Variants in HOMER1 observed in about 807,000 individuals in gnomAD.
HOMER1 encodes homer scaffold protein 1.
A neutral mutation model predicts 48.9 loss-of-function variants in HOMER1; 3 were observed. The observed-to-expected ratio is 0.06, with a 90% CI of 0.03 to 0.16. The LOEUF (loss-of-function observed/expected upper bound fraction) is 0.16. HOMER1 is among the 10% of genes least tolerant of loss of function. The pLI is 1.00. For synonymous variants in HOMER1, 134 were observed against 146.4 expected (o/e 0.92, Z 0.61); for missense variants, 247 against 411.4 (o/e 0.60, Z 3.46).
intron 8 of HOMER1, among the ~76,000 whole-genome samples, chr5:79,391,618 T>C (rs2004560): frequency 0.48 from 72,544 of 151,148 alleles, 20,792 homozygotes; most frequent in African/African-American, 0.8. Context: ...TGGTGGCATG[T>C]GCCTGTAGTC....
intron 8 of HOMER1, among the ~76,000 whole-genome samples, chr5:79,377,251 C>T (rs1450227175): frequency 6.6e-6 from 1 of 152,176 alleles, no homozygotes; most frequent in Non-Finnish European, 1.5e-5. Context: ...CAGGCGTGAG[C>T]CACCCCGCCT....
chr5:79,401,432 C>T (rs1454115475), intron 6 of HOMER1, among the ~76,000 whole-genome samples: 2 of 152,096 alleles, frequency 1.3e-5, no homozygotes, highest in African/African-American at 2.4e-5. Context: ...AACTGGAATT[C>T]GCACTCTGGA....
At chr5:79,413,501 G>A (rs1450296013) in intron 5 of HOMER1, among the ~76,000 whole-genome samples, 4 of 152,018 alleles carry the variant, frequency 2.6e-5, no homozygotes, top group Admixed American at 2.6e-4. Context: ...ATATTGCATA[G>A]TAGTGAAGTC....
intron 8 of HOMER1, among the ~76,000 whole-genome samples, chr5:79,391,822 GAGAA>G (rs1749261713): frequency 6.6e-6 from 1 of 151,736 alleles, no homozygotes; most frequent in African/African-American, 2.4e-5. Flanking sequence ...AAAAGACAAT[GAGAA>G]AGAACAAGTA....
At chr5:79,474,175 C>T (rs1339230614) in intron 1 of HOMER1, among the ~76,000 whole-genome samples, 3 of 147,840 alleles carry the variant, frequency 2.0e-5, no homozygotes, top group Non-Finnish European at 4.5e-5. Flanking sequence ...GTAGCTGGGA[C>T]TAAAGGTGTG....
At chr5:79,491,053 T>G (rs1346259279) in intron 1 of HOMER1, among the ~76,000 whole-genome samples, 2 of 125,408 alleles carry the variant, frequency 1.6e-5, no homozygotes, top group Non-Finnish European at 3.2e-5. Flanking sequence ...AAAATTATTT[T>G]TGGCCTTCAG....
rs191363198 is a variant in HOMER1 at position 79,389,455 on chromosome 5, G to A, written c.876+7368C>T. ...TCCAAAATCCAAGTGTTGAAATGTA[G>A]TGGCCAATATGATGCTATTAAGAAG... On this transcript the variant is annotated intron_variant, in intron 8 of 8. Transcript: ENST00000334082. Among the ~76,000 whole-genome samples, 24 of 152,296 alleles carry A rather than the reference G, an allele frequency of 1.6e-4. No homozygotes were observed. In the East Asian group the frequency reaches 4.4e-3, roughly 28 times the overall value.
chr5:79,439,532 G>A (rs1452514980), intron 4 of HOMER1, among the ~76,000 whole-genome samples: 1 of 152,110 alleles, frequency 6.6e-6, no homozygotes, highest in Non-Finnish European at 1.5e-5. Flanking sequence ...AATGCAAGAA[G>A]ATGTGATTTT....
rs913771465 is a variant in HOMER1, at chr5:79,436,082, C to A, written c.527+2928G>T. Among the ~76,000 whole-genome samples, 3 of 150,626 alleles carry A rather than the reference C, an allele frequency of 2.0e-5. No homozygotes were observed. In the East Asian group the frequency reaches 5.9e-4, roughly 29 times the overall value. On this transcript the variant is annotated intron_variant, in intron 5 of 8. Transcript: ENST00000334082. ...CGGAGCTTGCAGTGAGCCGAGATTG[C>A]GCCACTGCAGTCCGCAGTCCGGCCT...
At chr5:79,382,906 T>C (rs546961733) in intron 8 of HOMER1, among the ~76,000 whole-genome samples, 48 of 152,168 alleles carry the variant, frequency 3.2e-4, no homozygotes, top group African/African-American at 9.9e-4. Flanking sequence ...AGAATGAAAA[T>C]GGATTACATT....
rs10666507 is a variant in HOMER1 at position 79,465,584 on chromosome 5, C to CTTTTTTTT, written c.6-8574_6-8567dup. ...AGTAACAGTACTGTTTACATTTCTT[C>CTTTTTTTT]TTTTTTTTTTTTTTTTTTTTTTTTT... is the stretch of plus-strand genomic sequence containing the variant. On this transcript the variant is annotated intron_variant, in intron 1 of 8. Transcript: ENST00000334082. Among the ~76,000 whole-genome samples the CTTTTTTTT allele has an allele frequency of 2.6e-4, 20 of 77,906 alleles. 1 individual carries two copies. Among genetic ancestry groups the CTTTTTTTT allele is most frequent in the Middle Eastern group, 9.3e-3 (1 of 108 alleles). 51.1% of individuals were successfully genotyped at this position (77,906 alleles called of 152,430 possible).
chr5:79,479,980 A>G (rs1178652182), intron 1 of HOMER1, among the ~76,000 whole-genome samples: 3 of 152,248 alleles, frequency 2.0e-5, no homozygotes, highest in African/African-American at 7.2e-5. Flanking sequence ...TTAAAGCTCA[A>G]GAATAACAAA....
At chr5:79,472,924 C>A (rs1265028919) in intron 1 of HOMER1, among the ~76,000 whole-genome samples, 1 of 152,170 alleles carries the variant, frequency 6.6e-6, no homozygotes, top group African/African-American at 2.4e-5. Context: ...CCAAGTTTTG[C>A]CATCAACTAT....
At chr5:79,484,045 C>CA (rs34704866) in intron 1 of HOMER1, among the ~76,000 whole-genome samples, 10,046 of 71,924 alleles carry the variant, frequency 0.14, 1,719 homozygotes, top group African/African-American at 0.37. Flanking sequence ...GACTCCATCT[C>CA]AAAAAAAAAA....
chr5:79,452,136 C>A (rs1751045945), intron 2 of HOMER1, among the ~76,000 whole-genome samples: 1 of 152,152 alleles, frequency 6.6e-6, no homozygotes, highest in South Asian at 2.1e-4. Flanking sequence ...GTTTTCACAT[C>A]CTACAAATAC....
At chr5:79,384,995 A>G (rs1354287846) in intron 8 of HOMER1, among the ~76,000 whole-genome samples, 1 of 152,182 alleles carries the variant, frequency 6.6e-6, no homozygotes, top group African/African-American at 2.4e-5. Context: ...ATGTTTCAAG[A>G]TAATAAAAGC....
At chr5:79,445,908 T>C (rs1750862611) in intron 4 of HOMER1, among the ~76,000 whole-genome samples, 1 of 152,234 alleles carries the variant, frequency 6.6e-6, no homozygotes. Flanking sequence ...AGCATGACTC[T>C]AGCTCAAAAA....
intron 5 of HOMER1, among the ~76,000 whole-genome samples, chr5:79,412,448 A>T (rs1437267030): frequency 6.6e-6 from 1 of 152,242 alleles, no homozygotes; most frequent in East Asian, 1.9e-4. Flanking sequence ...GCATTTGAGG[A>T]TCTGCTCTTA....
At position 79,513,789 on chromosome 5, in the gene HOMER1, C is replaced by A. The variant is rs1316271267; in HGVS notation, c.-1015G>T. 1 of 152,468 alleles carries A rather than the reference C, an allele frequency of 6.6e-6. No individual in the cohort carries two copies. Among genetic ancestry groups the A allele is most frequent in the Non-Finnish European group, 1.5e-5 (1 of 68,238 alleles). 9.4% of individuals were successfully genotyped at this position (152,468 alleles called of 1,614,324 possible). Reference sequence around the variant, plus strand: ...CGGGCGAAAGGGGCCGAAGGGTCGACGGGCGCCTGCCCGAGCCAAGGCGGG... The same window carrying A: ...CGGGCGAAAGGGGCCGAAGGGTCGAAGGGCGCCTGCCCGAGCCAAGGCGGG... On this transcript the variant is annotated 5_prime_UTR_variant, in exon 1 of 9. Transcript: ENST00000334082.
Sources: gnomAD v4.1 joint callset for allele counts (sites outside exome capture counted in the v4.1 genomes callset) on GRCh38, gnomAD v4.1.1 for gene constraint, MANE v1.5 for transcripts, NCBI Gene and HGNC (gene_info 2026-07-23, HGNC 2026-07-21) for gene names.